Variants in PIWIL4 observed in about 807,000 individuals in gnomAD.
The protein encoded by PIWIL4 is piwi-like protein 4.
PIWIL4 carries 50 observed loss-of-function variants against 100.9 expected under a neutral mutation model. The observed-to-expected ratio is 0.50, with a 90% CI of 0.39 to 0.63. The LOEUF is 0.63. PIWIL4 is among the 20% of genes least tolerant of loss of function. The pLI is 0.00. For synonymous variants in PIWIL4, 342 were observed against 367.5 expected (o/e 0.93, Z 0.79); for missense variants, 887 against 1,043.3 (o/e 0.85, Z 2.06).
chr11:94,602,108 T>C, intron 12 of PIWIL4, 129 bp downstream of exon 12: 1 of 775,090 alleles, frequency 1.3e-6, no homozygotes, highest in Non-Finnish European at 2.0e-6. Flanking sequence ...AAGAAAGTAG[T>C]CATAAGTAGA....
Position 94,619,811 on chromosome 11 carries a change from T to A in PIWIL4, c.2220T>A (p.Phe740Leu). 1.2e-6 allele frequency: 2 copies of A among 1,614,230 alleles called. No individual in the cohort carries two copies. The highest frequency in any genetic ancestry group is 1.7e-6 in the Non-Finnish European group (2 of 1,180,036). Residue 740 changes from phenylalanine (F) to leucine (L), a missense_variant, in exon 18 of 20, where the codon TTT (phenylalanine) becomes TTA (leucine). By Grantham distance (22) the Phe-to-Leu change is conservative (BLOSUM62 0). Coordinates refer to ENST00000299001, the MANE Select transcript of PIWIL4 (RefSeq NM_152431.3). ...GGAAGAAGTGCATGCCACGATTCTTTACCGAAATGAACCGCACTGTACAGA... is the reference window on the plus strand; with the variant it reads ...GGAAGAAGTGCATGCCACGATTCTTAACCGAAATGAACCGCACTGTACAGA... ...VVRKKCMPRF[F>L]TEMNRTVQNP...
At chr11:94,585,769 G>T (rs1948390778) in intron 6 of PIWIL4, among the ~76,000 whole-genome samples, 1 of 152,166 alleles carries the variant, frequency 6.6e-6, no homozygotes, top group Non-Finnish European at 1.5e-5. Flanking sequence ...TTCAGAAACT[G>T]AATTTTCTGT....
At chr11:94,599,472 G>C (rs1474401051) in intron 11 of PIWIL4, among the ~76,000 whole-genome samples, 2 of 152,174 alleles carry the variant, frequency 1.3e-5, no homozygotes, top group Non-Finnish European at 2.9e-5. Context: ...ATTGTCCTGG[G>C]TCTCCTCCCA....
chr11:94,603,613 C>T (rs545967181), intron 12 of PIWIL4, among the ~76,000 whole-genome samples: 12 of 152,256 alleles, frequency 7.9e-5, no homozygotes, highest in Non-Finnish European at 1.6e-4. Context: ...TTCACTCTTA[C>T]AGAAATCTTA....
chr11:94,608,952 CATTT>C (rs1356478834), intron 15 of PIWIL4, among the ~76,000 whole-genome samples: 3 of 152,138 alleles, frequency 2.0e-5, no homozygotes, highest in African/African-American at 7.2e-5. Flanking sequence ...AATTCTTGTG[CATTT>C]ATTTATTTTC....
At position 94,577,479 on chromosome 11, in the gene PIWIL4, A is replaced by G. The variant is rs12272255; in HGVS notation, c.500A>G (p.Lys167Arg). 4.9e-4 allele frequency: 788 copies of G among 1,613,082 alleles called. 4 individuals are homozygous for G. The African/African-American group carries it at 8.9e-3, about 18-fold the overall frequency. The stretch of plus-strand genomic sequence containing the variant: ...GGTGCCATCCTTTTTCTGTCACAAA[A>G]GCTAGAAGAAAAGGTATAGTATGAT... ...FDGAILFLSQ[K>R]LEEKVTELSS... Residue 167 changes from lysine to arginine, a missense_variant, in exon 4 of 20, where the codon AAG (lysine) becomes AGG (arginine). By Grantham distance (26) the Lys-to-Arg change is conservative. Around this residue, in one of 2 missense-constraint regions of PIWIL4, gnomAD observed 741 missense variants for 930.0 expected, o/e 0.80. Coordinates refer to ENST00000299001, the MANE Select transcript of PIWIL4 (RefSeq NM_152431.3).
At chr11:94,594,899 A>T (rs1394067220) in intron 9 of PIWIL4, among the ~76,000 whole-genome samples, 1 of 152,218 alleles carries the variant, frequency 6.6e-6, no homozygotes, top group East Asian at 1.9e-4. Context: ...AGTAGCCAGT[A>T]GCACATGAGT....
chr11:94,589,308 G>A, intron 8 of PIWIL4, 76 bp downstream of exon 8: 1 of 1,289,708 alleles, frequency 7.8e-7, no homozygotes, highest in Non-Finnish European at 1.1e-6. Flanking sequence ...AGTCTCAGAG[G>A]TCCCCCAGAT....
intron 9 of PIWIL4, among the ~76,000 whole-genome samples, chr11:94,594,690 G>A (rs570795404): frequency 2.2e-4 from 33 of 151,916 alleles, no homozygotes; most frequent in African/African-American, 7.5e-4. Flanking sequence ...GCACTGCCAC[G>A]CCTGGCTAGT....
intron 10 of PIWIL4, among the ~76,000 whole-genome samples, 189 bp downstream of exon 10, chr11:94,595,615 G>A (rs748389965): frequency 2.2e-4 from 33 of 152,234 alleles, no homozygotes; most frequent in African/African-American, 6.0e-4. Context: ...GGGAGTTGGA[G>A]GCCATGCTGA....
intron 6 of PIWIL4, 22 bp downstream of exon 6, chr11:94,585,547 G>C (rs757567054): frequency 4.6e-6 from 7 of 1,536,230 alleles, no homozygotes; most frequent in Non-Finnish European, 6.3e-6. Flanking sequence ...TATATTTTCT[G>C]TTACTCCGAA....
chr11:94,592,940 C>T (rs1336138583), intron 8 of PIWIL4, among the ~76,000 whole-genome samples: 2 of 152,146 alleles, frequency 1.3e-5, no homozygotes, highest in Non-Finnish European at 2.9e-5. Context: ...AGTTAAGTCA[C>T]TTCCCCAGTG....
Position 94,591,131 on chromosome 11 carries a change from T to A in PIWIL4, c.1026+1899T>A, listed in dbSNP as rs551436341. On this transcript the variant is annotated intron_variant, in intron 8 of 19. Coordinates refer to ENST00000299001, the MANE Select transcript of PIWIL4 (RefSeq NM_152431.3). ...AGTGGAGACCATGCTCCTCCTTTTC[T>A]ATCCTCTGCTTCTTCCTCTCTAGCA... Among the ~76,000 whole-genome samples, 5 of 152,366 alleles carry A rather than the reference T, an allele frequency of 3.3e-5. No homozygotes were observed. The South Asian group carries it at 1.0e-3, about 32-fold the overall frequency.
chr11:94,604,011 A>T lies in PIWIL4; in HGVS notation c.1593A>T (p.Ala531=). The T allele has an allele frequency of 6.2e-7, 1 of 1,607,400 alleles. No homozygotes were observed. Among genetic ancestry groups the T allele is most frequent in the African/African-American group, 1.3e-5 (1 of 74,808 alleles). Residue 531 remains alanine (A), a synonymous_variant, in exon 13 of 20, where the codon GCA becomes GCT. Coordinates refer to ENST00000299001, the MANE Select transcript of PIWIL4 (RefSeq NM_152431.3). ...TAAAAGTACAAGAAAATCCAGCTGC[A>T]TTTGTTAGAGCTATACAGCAATATG... ...KIIKVQENPA[A]FVRAIQQYVD...
In PIWIL4 at chr11:94,583,453, A is replaced by G. The variant is rs374254224; in HGVS notation, c.519A>G (p.Thr173=). Residue 173 remains threonine, a synonymous_variant, in exon 5 of 20, where the codon ACA becomes ACG. Coordinates refer to ENST00000299001, the MANE Select transcript of PIWIL4 (RefSeq NM_152431.3). ...TAAGTACCTCTTTTTCCCAGGTCACAGAGTTGTCAAGTGAAACTCAAAGAG... is the reference window on the plus strand; with the variant it reads ...TAAGTACCTCTTTTTCCCAGGTCACGGAGTTGTCAAGTGAAACTCAAAGAG... ...FLSQKLEEKV[T]ELSSETQRGE... The G allele has an allele frequency of 1.2e-6, 2 of 1,613,592 alleles. No homozygotes were observed. The highest frequency in any genetic ancestry group is 1.7e-6 in the Non-Finnish European group (2 of 1,179,644).
intron 16 of PIWIL4, 70 bp downstream of exon 16, chr11:94,616,633 T>C (rs1275347909): frequency 7.8e-7 from 1 of 1,276,856 alleles, no homozygotes. Context: ...CACATGCTTA[T>C]AGAAGACCAC....
chr11:94,568,578 C>T, intron 1 of PIWIL4, 152 bp from the exon 2 acceptor site: 1 of 565,942 alleles, frequency 1.8e-6, no homozygotes, highest in Non-Finnish European at 3.2e-6. Flanking sequence ...CTAGAATGGG[C>T]ACTCTCTTCT....
At chr11:94,580,086 G>T (rs1175781506) in intron 4 of PIWIL4, among the ~76,000 whole-genome samples, 1 of 152,130 alleles carries the variant, frequency 6.6e-6, no homozygotes, top group Non-Finnish European at 1.5e-5. Context: ...CCTTTCTGTT[G>T]CTGGGAATGG....
chr11:94,607,242 G>C (rs928903581), intron 13 of PIWIL4, among the ~76,000 whole-genome samples, 197 bp from the exon 14 acceptor site: 4 of 152,050 alleles, frequency 2.6e-5, no homozygotes, highest in African/African-American at 9.7e-5. Flanking sequence ...CTAATGAGAA[G>C]GCATTTCAAA....
Sources: allele counts gnomAD v4.1 joint callset (sites outside exome capture counted in the v4.1 genomes callset), GRCh38; gene constraint gnomAD v4.1.1; regional missense constraint gnomAD v4.1.1; transcripts MANE v1.5; gene names NCBI Gene and HGNC (gene_info 2026-07-23, HGNC 2026-07-21).